SCGB2B2: variants seen among roughly 807,000 people sequenced by gnomAD.
SCGB2B2 encodes secretoglobin-like protein.
SCGB2B2 carries 11 observed loss-of-function variants against 7.6 expected under a neutral mutation model. The observed-to-expected ratio is 1.45, with a 90% confidence interval of 0.91 to 2.40. The LOEUF is 2.40. Ranked by LOEUF, SCGB2B2 falls within the 30% of genes most tolerant of loss-of-function variation. The probability of loss-of-function intolerance (pLI) is 0.00; values close to 1 mark genes in which losing one functional copy is unlikely to be tolerated. For missense variants in SCGB2B2, 104 were observed against 115.4 expected (o/e 0.90, Z 0.45); for synonymous variants, 50 against 48.6 (o/e 1.03, Z -0.12).
intron 1 of SCGB2B2, among the ~76,000 whole-genome samples, chr19:34,649,207 G>A (rs1478722141): frequency 2.0e-5 from 3 of 152,104 alleles, no homozygotes; most frequent in Non-Finnish European, 4.4e-5. Flanking sequence ...TGCCCAGCCT[G>A]GATCTTTCAC....
At chr19:34,632,318 T>C (rs914401430) in intron 1 of SCGB2B2, among the ~76,000 whole-genome samples, 1 of 152,060 alleles carries the variant, frequency 6.6e-6, no homozygotes. Flanking sequence ...AAGATGAAGG[T>C]AAAAAAGATC....
intron 1 of SCGB2B2, among the ~76,000 whole-genome samples, chr19:34,606,661 G>A (rs1030544219): frequency 2.0e-5 from 3 of 151,952 alleles, no homozygotes; most frequent in Non-Finnish European, 4.4e-5. Flanking sequence ...TGGTGAGGCA[G>A]TACAATAAGA....
chr19:34,668,049 C>T (rs1399355577), intron 1 of SCGB2B2, among the ~76,000 whole-genome samples: 2 of 152,248 alleles, frequency 1.3e-5, no homozygotes, highest in Admixed American at 1.3e-4. Context: ...TCGCAGCCCT[C>T]GCTCTCTCTC....
chr19:34,606,629 T>A (rs1363902075), intron 1 of SCGB2B2, among the ~76,000 whole-genome samples: 1 of 152,036 alleles, frequency 6.6e-6, no homozygotes, highest in East Asian at 1.9e-4. Context: ...CAGTTACTCG[T>A]GGTCAACTAG....
At chr19:34,612,272 C>T (rs538960120) in intron 1 of SCGB2B2, among the ~76,000 whole-genome samples, 139 of 151,500 alleles carry the variant, frequency 9.2e-4, no homozygotes, top group African/African-American at 2.5e-3. Flanking sequence ...CTCCTGACAT[C>T]GTGATCCGCC....
chr19:34,603,794 A>ATTTT (rs2065698240), intron 1 of SCGB2B2, among the ~76,000 whole-genome samples: 1 of 75,414 alleles, frequency 1.3e-5, no homozygotes, highest in Non-Finnish European at 3.0e-5. Flanking sequence ...ATGTTTTATT[A>ATTTT]CTTTTTTTTT....
chr19:34,673,080 G>A (rs2067840878), intron 1 of SCGB2B2, among the ~76,000 whole-genome samples: 1 of 152,108 alleles, frequency 6.6e-6, no homozygotes, highest in South Asian at 2.1e-4. Context: ...TCTAAAATGT[G>A]CCCTTGACCA....
downstream of SCGB2B2, among the ~76,000 whole-genome samples, chr19:34,588,212 G>A (rs2065223300): frequency 6.6e-6 from 1 of 152,122 alleles, no homozygotes; most frequent in Admixed American, 6.5e-5. Context: ...ACTTGTAATT[G>A]GTCTGTTCAA....
chr19:34,605,581 T>C (rs1216781935), intron 1 of SCGB2B2, among the ~76,000 whole-genome samples: 1 of 152,170 alleles, frequency 6.6e-6, no homozygotes. Context: ...AAATTTTATT[T>C]ATTCATTTAT....
chr19:34,609,795 G>C (rs1291270780), intron 1 of SCGB2B2, among the ~76,000 whole-genome samples: 1 of 151,954 alleles, frequency 6.6e-6, no homozygotes, highest in Non-Finnish European at 1.5e-5. Flanking sequence ...GGGTTGCTTT[G>C]GTTATTTGGA....
Position 34,622,043 on chromosome 19 carries a change from G to A in SCGB2B2, c.-2031-25449C>T, listed in dbSNP as rs1024881537. On this transcript the variant is annotated intron_variant, in intron 1 of 3. Transcript: ENST00000601241. The stretch of plus-strand genomic sequence containing the variant: ...TCTCTTAGAAGACAGCAGTTCTGCC[G>A]CATTATGTGGGTTATATACAGTTAA... Among the ~76,000 whole-genome samples the A allele has an allele frequency of 5.9e-5, 9 of 152,228 alleles. No homozygotes were observed. In the East Asian group the frequency reaches 1.4e-3, roughly 23 times the overall value.
At chr19:34,610,502 A>G (rs1010331409) in intron 1 of SCGB2B2, among the ~76,000 whole-genome samples, 2 of 152,112 alleles carry the variant, frequency 1.3e-5, no homozygotes, top group African/African-American at 4.8e-5. Flanking sequence ...CGGTTTGTTA[A>G]GAGTTTCTAT....
chr19:34,623,934 T>G (rs1465979481), intron 1 of SCGB2B2, among the ~76,000 whole-genome samples: 1 of 152,200 alleles, frequency 6.6e-6, no homozygotes, highest in East Asian at 1.9e-4. Flanking sequence ...AGCTTCCTCC[T>G]GACTATTGAA....
chr19:34,670,537 C>T (rs1240959612), intron 1 of SCGB2B2, among the ~76,000 whole-genome samples: 2 of 152,188 alleles, frequency 1.3e-5, no homozygotes, highest in Non-Finnish European at 2.9e-5. Flanking sequence ...CCTCTATCTT[C>T]TTTGGTTAGG....
Position 34,593,336 on chromosome 19 carries a change from C to T in SCGB2B2, c.*219G>A. The T allele has an allele frequency of 1.9e-6, 1 of 526,818 alleles. No individual in the cohort carries two copies. The highest frequency in any genetic ancestry group is 3.4e-6 in the Non-Finnish European group (1 of 293,966). 32.6% of individuals were successfully genotyped at this position (526,818 alleles called of 1,614,324 possible). ...AAAGAAAACAGGCATGTCTATGCTACACCTGTAGAGTTTTTCCTCAGTCGC... is the reference window on the plus strand; with the variant it reads ...AAAGAAAACAGGCATGTCTATGCTATACCTGTAGAGTTTTTCCTCAGTCGC... On this transcript the variant is annotated 3_prime_UTR_variant, in exon 4 of 4. Transcript: ENST00000601241.
At chr19:34,606,916 G>A (rs568624758) in intron 1 of SCGB2B2, among the ~76,000 whole-genome samples, 1 of 152,198 alleles carries the variant, frequency 6.6e-6, no homozygotes, top group Admixed American at 6.5e-5. Context: ...GCAGATAAAG[G>A]CGGACTCCTC....
Position 34,591,921 on chromosome 19 carries a change from G to A in SCGB2B2, c.*1634C>T, listed in dbSNP as rs530401736. ...AGCTTTGCAACCCCCTCTTCACCTT[G>A]GATGTGAACTTCAGGGAAGCAGGGC... is the stretch of plus-strand genomic sequence containing the variant. On this transcript the variant is annotated 3_prime_UTR_variant, in exon 4 of 4. Transcript: ENST00000601241. Among the ~76,000 whole-genome samples the A allele has an allele frequency of 1.3e-5, 2 of 152,290 alleles. No homozygotes were observed. The highest frequency in any genetic ancestry group is 4.1e-4 in the South Asian group (2 of 4,820).
chr19:34,589,443 G>C (rs1005566871), downstream of SCGB2B2, among the ~76,000 whole-genome samples: 3 of 152,124 alleles, frequency 2.0e-5, no homozygotes, highest in Non-Finnish European at 2.9e-5. Context: ...CAGGTCTGAG[G>C]GGTCTCACTT....
rs1015641161 is a variant in SCGB2B2 at position 34,676,377 on chromosome 19, G to C, written c.-2779C>G. The C allele has an allele frequency of 6.6e-6, 1 of 152,194 alleles. No individual in the cohort carries two copies. Among genetic ancestry groups the C allele is most frequent in the African/African-American group, 2.4e-5 (1 of 41,422 alleles). The allele number at this position is 152,194 out of a possible 1,614,324, so 9.4% of individuals were successfully genotyped here. A position where few individuals can be genotyped will look rare whatever the true frequency, so the allele number is the denominator to read the frequency against. On this transcript the variant is annotated 5_prime_UTR_variant, in exon 1 of 4. Transcript: ENST00000601241. ...TGGCAATTTACAAATGCCATGGTAA[G>C]GTTCAGAAGTTACCCTGTATGGTTC...
Sources: allele counts gnomAD v4.1 joint callset (sites outside exome capture counted in the v4.1 genomes callset), GRCh38; gene constraint gnomAD v4.1.1; transcripts MANE v1.5; gene names NCBI Gene and HGNC (gene_info 2026-07-23, HGNC 2026-07-21).